SLC25A21: variants seen among roughly 807,000 people sequenced by gnomAD.
SLC25A21 encodes mitochondrial 2-oxodicarboxylate carrier.
SLC25A21 carries 47 observed loss-of-function variants against 43.8 expected under a neutral mutation model. That is an observed-to-expected ratio of 1.07 (90% CI 0.85 to 1.37). The LOEUF (loss-of-function observed/expected upper bound fraction) is 1.37. Among genes scored for constraint, SLC25A21 ranks in the 40% most tolerant of loss-of-function variants. The probability of loss-of-function intolerance (pLI) is 0.00; values close to 1 mark genes in which losing one functional copy is unlikely to be tolerated. For synonymous variants in SLC25A21, 131 were observed against 121.3 expected, an observed-to-expected ratio of 1.08 and a Z score of -0.52; for missense variants, 352 against 350.2, an observed-to-expected ratio of 1.00 and a Z score of -0.04.
At chr14:37,082,199 A>T (rs1281061327) in intron 1 of SLC25A21, among the ~76,000 whole-genome samples, 1 of 152,168 alleles carries the variant, frequency 6.6e-6, no homozygotes. Context: ...ACATAGACAT[A>T]AATATAGGAA....
intron 1 of SLC25A21, among the ~76,000 whole-genome samples, chr14:37,005,390 C>T (rs1402831530): frequency 4.6e-5 from 7 of 152,068 alleles, no homozygotes; most frequent in Non-Finnish European, 5.9e-5. Flanking sequence ...CATCTTGTTC[C>T]GTTTCCCTTA....
chr14:36,921,805 C>T (rs566792679), intron 1 of SLC25A21, among the ~76,000 whole-genome samples: 1 of 152,202 alleles, frequency 6.6e-6, no homozygotes, highest in Admixed American at 6.5e-5. Flanking sequence ...ATGACTTGTT[C>T]ACCATTCTGA....
chr14:36,813,079 A>T (rs985350183), intron 3 of SLC25A21, among the ~76,000 whole-genome samples: 6 of 152,200 alleles, frequency 3.9e-5, no homozygotes, highest in African/African-American at 7.2e-5. Flanking sequence ...AGTTAAAAAA[A>T]TTTTTTTTAT....
chr14:37,005,445 T>C (rs17105919), intron 1 of SLC25A21, among the ~76,000 whole-genome samples: 15,330 of 152,238 alleles, frequency 0.1, 811 homozygotes, highest in Admixed American at 0.13. Context: ...TTACACTTTA[T>C]TAAATTGCTA....
At chr14:36,686,272 C>T (rs1382697267) in intron 7 of SLC25A21, among the ~76,000 whole-genome samples, 1 of 152,142 alleles carries the variant, frequency 6.6e-6, no homozygotes, top group African/African-American at 2.4e-5. Context: ...GATTTGAAAA[C>T]CAACAGGGTG....
intron 1 of SLC25A21, among the ~76,000 whole-genome samples, chr14:36,994,955 GAACT>G (rs751302498): frequency 3.3e-5 from 5 of 152,102 alleles, no homozygotes; most frequent in African/African-American, 7.2e-5. Flanking sequence ...TAATTCAATA[GAACT>G]AATTATGTCT....
At chr14:36,909,449 C>T (rs7143251) in intron 1 of SLC25A21, among the ~76,000 whole-genome samples, 2,410 of 152,290 alleles carry the variant, frequency 0.016, 61 homozygotes, top group African/African-American at 0.053. Context: ...GCGTATTCAA[C>T]TGCACTGGAT....
intron 1 of SLC25A21, among the ~76,000 whole-genome samples, chr14:37,107,282 A>G (rs1962932652): frequency 1.3e-5 from 2 of 152,040 alleles, no homozygotes; most frequent in Non-Finnish European, 2.9e-5. Flanking sequence ...GGCTCAAGCA[A>G]TCCTCCCACC....
At chr14:36,705,114 C>A (rs1361600200) in intron 7 of SLC25A21, among the ~76,000 whole-genome samples, 1 of 151,986 alleles carries the variant, frequency 6.6e-6, no homozygotes, top group Non-Finnish European at 1.5e-5. Flanking sequence ...AATCTCTGCT[C>A]ACTGCAAGCT....
intron 1 of SLC25A21, among the ~76,000 whole-genome samples, chr14:36,921,363 T>A (rs1891977072): frequency 6.6e-6 from 1 of 152,136 alleles, no homozygotes; most frequent in East Asian, 1.9e-4. Context: ...AAAAGGCACA[T>A]CCTGGGCCCT....
chr14:37,100,877 A>T (rs938465448), intron 1 of SLC25A21, among the ~76,000 whole-genome samples: 2 of 152,218 alleles, frequency 1.3e-5, no homozygotes, highest in African/African-American at 4.8e-5. Flanking sequence ...CACAATTTAT[A>T]TTGCAGACAT....
At chr14:36,752,305 A>G (rs969230512) in intron 3 of SLC25A21, among the ~76,000 whole-genome samples, 1 of 152,220 alleles carries the variant, frequency 6.6e-6, no homozygotes, top group African/African-American at 2.4e-5. Flanking sequence ...TTGGGAATGT[A>G]AAGTGGTGCA....
At chr14:36,713,756 G>A (rs1051577615) in intron 6 of SLC25A21, among the ~76,000 whole-genome samples, 1 of 152,170 alleles carries the variant, frequency 6.6e-6, no homozygotes, top group Non-Finnish European at 1.5e-5. Context: ...GGCGGAGGCA[G>A]GAGGAGTGCT....
intron 6 of SLC25A21, among the ~76,000 whole-genome samples, chr14:36,713,198 C>T (rs1883968132): frequency 1.3e-5 from 2 of 152,118 alleles, no homozygotes; most frequent in African/African-American, 2.4e-5. Context: ...GAGAAACCAA[C>T]GGCTCTAAAA....
chr14:37,150,096 G>A (rs894430136), intron 1 of SLC25A21, among the ~76,000 whole-genome samples: 1 of 152,082 alleles, frequency 6.6e-6, no homozygotes, highest in African/African-American at 2.4e-5. Flanking sequence ...TATGTTAAAG[G>A]CCACTGAATT....
chr14:36,967,810 T>C (rs1343968949), intron 1 of SLC25A21, among the ~76,000 whole-genome samples: 2 of 152,180 alleles, frequency 1.3e-5, no homozygotes, highest in South Asian at 2.1e-4. Flanking sequence ...AAGATGGACA[T>C]TGCACATGGT....
In SLC25A21 at chr14:36,799,179, T is replaced by C. The variant is rs577870786; in HGVS notation, c.203+14739A>G. On this transcript the variant is annotated intron_variant, in intron 3 of 9. Transcript: ENST00000331299. ...GAGAGATGGCCATCAAAAGCCATCA[T>C]GCTCTGAGGAGGTGTAGCAAAAAGA... Among the ~76,000 whole-genome samples, 14 of 152,310 alleles carry C rather than the reference T, an allele frequency of 9.2e-5. No individual in the cohort carries two copies. The East Asian group carries it at 1.7e-3, about 19-fold the overall frequency.
At chr14:37,098,926 T>A (rs1222043922) in intron 1 of SLC25A21, among the ~76,000 whole-genome samples, 1 of 151,588 alleles carries the variant, frequency 6.6e-6, no homozygotes, top group Non-Finnish European at 1.5e-5. Flanking sequence ...ACTCAGCCTC[T>A]CGAGTAGCTG....
chr14:36,997,204 C>T (rs1960389747), intron 1 of SLC25A21, among the ~76,000 whole-genome samples: 1 of 152,118 alleles, frequency 6.6e-6, no homozygotes, highest in Non-Finnish European at 1.5e-5. Flanking sequence ...TGACATAATT[C>T]TTAGAAATGG....
Sources: gnomAD v4.1 joint callset for allele counts (sites outside exome capture counted in the v4.1 genomes callset) on GRCh38, gnomAD v4.1.1 for gene constraint, MANE v1.5 for transcripts, NCBI Gene and HGNC (gene_info 2026-07-23, HGNC 2026-07-21) for gene names.